Variants in ATXN7 observed in about 807,000 individuals in gnomAD.
The protein encoded by ATXN7 is ataxin 7.
A neutral mutation model predicts 70.5 loss-of-function variants in ATXN7; 12 were observed. That is an observed-to-expected ratio of 0.17 (90% CI 0.11 to 0.28). ATXN7 has a LOEUF of 0.28. ATXN7 is among the 10% of genes least tolerant of loss of function. The pLI, the probability that ATXN7 is intolerant of heterozygous loss-of-function variation, is 1.00. For synonymous variants in ATXN7, 498 were observed against 448.7 expected, an observed-to-expected ratio of 1.11 and a Z score of -1.39; for missense variants, 1,256 against 1,131.7, an observed-to-expected ratio of 1.11 and a Z score of -1.58.
intron 4 of ATXN7, among the ~76,000 whole-genome samples, chr3:63,942,149 T>C (rs1012459153): frequency 6.6e-6 from 1 of 152,096 alleles, no homozygotes; most frequent in African/African-American, 2.4e-5. Context: ...TTTCATGAAA[T>C]GAGACAGAAG....
chr3:63,930,353 A>T (rs1235992054), intron 4 of ATXN7, among the ~76,000 whole-genome samples: 2 of 152,170 alleles, frequency 1.3e-5, no homozygotes, highest in African/African-American at 4.8e-5. Flanking sequence ...CATTACTCAA[A>T]TTCTTATTTG....
rs573476240 is a variant in ATXN7, at chr3:63,973,248, T to C, written c.500-6667T>C. Among the ~76,000 whole-genome samples, 10 of 152,248 alleles carry C rather than the reference T, an allele frequency of 6.6e-5. 1 individual carries two copies. In the South Asian group the frequency reaches 1.9e-3, roughly 28 times the overall value. ...TTGATTTGGATTCTATTCAGGCTGA[T>C]TACTCAACCCATACATATCAAGACT... On this transcript the variant is annotated intron_variant, in intron 5 of 12. Transcript: ENST00000674280.
intron 4 of ATXN7, among the ~76,000 whole-genome samples, chr3:63,950,460 A>G (rs1322831423): frequency 6.6e-6 from 1 of 152,208 alleles, no homozygotes; most frequent in Non-Finnish European, 1.5e-5. Context: ...GCTATCTAAT[A>G]ATAAAACTAA....
rs1280607355 is a variant in ATXN7 at position 63,995,491 on chromosome 3, C to CT, written c.1683-13dup. 7 of 1,613,580 alleles carry CT rather than the reference C, an allele frequency of 4.3e-6. No individual in the cohort carries two copies. Among genetic ancestry groups the CT allele is most frequent in the Middle Eastern group, 3.3e-4 (2 of 6,060 alleles). On this transcript the variant is annotated splice_polypyrimidine_tract_variant and intron_variant, in intron 11 of 12. Transcript: ENST00000674280. ...TGTGGTCAGTGTCATTCACTGTCCT[C>CT]TAATTTTTTTCAGGAAAATCCCACC...
In ATXN7 at chr3:63,996,236, G is replaced by T; in HGVS notation, c.2414G>T (p.Gly805Val). The change falls in exon 12 of 13, where the codon GGG becomes GTG. Residue 805 changes from glycine (G) to valine (V), a missense_variant. Physicochemically the swap from Gly to Val is moderately radical, Grantham distance 109. Coordinates refer to ENST00000674280, the MANE Select transcript of ATXN7 (RefSeq NM_001377405.1). ...VNSSDSTLSL[G>V]PFIHQSNELP... ...AGCAGTGATTCTACTCTTTCTCTTG[G>T]GCCATTCATTCACCAGTCCAATGAA... 1 of 1,613,998 alleles carries T rather than the reference G, an allele frequency of 6.2e-7. No homozygotes were observed. Among genetic ancestry groups the T allele is most frequent in the Non-Finnish European group, 8.5e-7 (1 of 1,180,002 alleles).
intron 5 of ATXN7, among the ~76,000 whole-genome samples, chr3:63,967,502 TAAAA>T (rs1254310693): frequency 6.6e-6 from 1 of 152,184 alleles, no homozygotes; most frequent in Non-Finnish European, 1.5e-5. Context: ...TACCGAGACT[TAAAA>T]TGTAGGTTTT....
intron 11 of ATXN7, among the ~76,000 whole-genome samples, chr3:63,993,558 AT>A (rs1425757847): frequency 6.6e-6 from 1 of 151,932 alleles, no homozygotes; most frequent in East Asian, 1.9e-4. Context: ...CATTTTTATT[AT>A]TTTTTATGTA....
chr3:63,987,225 C>A (rs997573193), intron 8 of ATXN7, among the ~76,000 whole-genome samples: 6 of 152,212 alleles, frequency 3.9e-5, no homozygotes, highest in African/African-American at 1.4e-4. Context: ...GGACTACAGA[C>A]ACATTTTCTT....
intron 1 of ATXN7, among the ~76,000 whole-genome samples, chr3:63,879,226 A>C (rs1435933858): frequency 6.6e-6 from 1 of 152,202 alleles, no homozygotes; most frequent in African/African-American, 2.4e-5. Context: ...CTCTTATCAG[A>C]GAAATTAAAT....
chr3:63,926,490 A>G (rs1304135793), intron 4 of ATXN7, among the ~76,000 whole-genome samples: 1 of 152,138 alleles, frequency 6.6e-6, no homozygotes, highest in African/African-American at 2.4e-5. Flanking sequence ...GTTTTGAAGA[A>G]CAGCAGGGGG....
rs1478891378 is a variant in ATXN7, at chr3:63,912,652, G to C, written c.54G>C (p.Ala18=). The stretch of plus-strand genomic sequence containing the variant: ...GGGGGGAGCCGCGCCGCGCGGCGGC[G>C]GCGGCGGGCGGAGCAGCGGCCGCGG... The part of the protein sequence containing the change: ...DVRGEPRRAA[A]AAGGAAAAAA... The change falls in exon 3 of 13, where the codon GCG becomes GCC. Residue 18 remains alanine (A), a synonymous_variant. Coordinates refer to ENST00000674280, the MANE Select transcript of ATXN7 (RefSeq NM_001377405.1). 2 of 1,038,610 alleles carry C rather than the reference G, an allele frequency of 1.9e-6. No individual in the cohort carries two copies. The highest frequency in any genetic ancestry group is 1.2e-4 in the Admixed American group (2 of 17,264). 64.3% of individuals were successfully genotyped at this position (1,038,610 alleles called of 1,614,324 possible). A position where few individuals can be genotyped will look rare whatever the true frequency, so the allele number is the denominator to read the frequency against.
chr3:63,947,177 G>T (rs2074877755), intron 4 of ATXN7, among the ~76,000 whole-genome samples: 1 of 152,204 alleles, frequency 6.6e-6, no homozygotes, highest in African/African-American at 2.4e-5. Flanking sequence ...CATTGAGTGA[G>T]CACTTCCTAG....
At chr3:63,954,701 T>G (rs1231863515) in intron 5 of ATXN7, among the ~76,000 whole-genome samples, 3 of 141,676 alleles carry the variant, frequency 2.1e-5, no homozygotes, top group African/African-American at 5.9e-5. Flanking sequence ...GAAAAAGTGT[T>G]TTTTTTTTTG....
rs199514376 is a variant in ATXN7 at position 63,995,659 on chromosome 3, C to G, written c.1837C>G (p.Pro613Ala). The G allele has an allele frequency of 3.3e-4, 536 of 1,614,064 alleles. No homozygotes were observed. The highest frequency in any genetic ancestry group is 4.2e-4 in the Non-Finnish European group (498 of 1,180,046). Residue 613 changes from proline to alanine, a missense_variant, in exon 12 of 13, where the codon CCA becomes GCA. By Grantham distance (27) the Pro-to-Ala change is conservative. Coordinates refer to ENST00000674280, the MANE Select transcript of ATXN7 (RefSeq NM_001377405.1). ...CCTGCTCTCATCTACCTGCATCTCC[C>G]CAAATAGCAAATCGGTACCAGCTCA... The part of the protein sequence containing the change: ...PVLLSSTCIS[P>A]NSKSVPAHGT...
chr3:63,989,561 CT>C (rs34821550), intron 9 of ATXN7, among the ~76,000 whole-genome samples: 182 of 146,572 alleles, frequency 1.2e-3, no homozygotes, highest in African/African-American at 2.9e-3. Context: ...CATGTATAGG[CT>C]TTTTTTTTTT....
At chr3:63,887,122 C>G (rs1426286837) in intron 1 of ATXN7, among the ~76,000 whole-genome samples, 1 of 152,148 alleles carries the variant, frequency 6.6e-6, no homozygotes, top group African/African-American at 2.4e-5. Context: ...CTGCCAATGT[C>G]TCTTTAGATT....
intron 1 of ATXN7, among the ~76,000 whole-genome samples, chr3:63,883,338 A>G (rs1467866757): frequency 6.6e-6 from 1 of 152,224 alleles, no homozygotes; most frequent in Non-Finnish European, 1.5e-5. Flanking sequence ...TTTTATTAGC[A>G]TAGTCCATTT....
intron 4 of ATXN7, among the ~76,000 whole-genome samples, chr3:63,917,695 C>A (rs1399154569): frequency 6.6e-6 from 1 of 152,186 alleles, no homozygotes; most frequent in African/African-American, 2.4e-5. Context: ...AGAGTAAGTT[C>A]CCTGAGGGCA....
chr3:63,915,138 C>T (rs139153491), intron 4 of ATXN7, among the ~76,000 whole-genome samples: 2 of 152,256 alleles, frequency 1.3e-5, no homozygotes, highest in Non-Finnish European at 2.9e-5. Context: ...GGTTTCACCA[C>T]GTTGGCCACG....
Sources: allele counts gnomAD v4.1 joint callset (sites outside exome capture counted in the v4.1 genomes callset), GRCh38; gene constraint gnomAD v4.1.1; transcripts MANE v1.5; gene names NCBI Gene and HGNC (gene_info 2026-07-23, HGNC 2026-07-21).